The following TBC1D19 variants were observed in gnomAD, a reference collection of about 807,000 sequenced individuals.
The protein encoded by TBC1D19 is TBC1 domain family, member 19.
Under a neutral mutation model 89.0 loss-of-function variants are expected in TBC1D19, and 60 were observed. The observed-to-expected ratio is 0.67, with a 90% CI of 0.55 to 0.84. TBC1D19 has a LOEUF of 0.84. Among genes scored for constraint, TBC1D19 ranks in the 40% least tolerant of loss-of-function variants. The pLI, the probability that TBC1D19 is intolerant of heterozygous loss-of-function variation, is 0.00. For missense variants in TBC1D19, 500 were observed against 610.8 expected, an observed-to-expected ratio of 0.82 and a Z score of 1.91; for synonymous variants, 189 against 199.7, an observed-to-expected ratio of 0.95 and a Z score of 0.45.
chr4:26,737,660 A>G (rs1031644622), intron 16 of TBC1D19, among the ~76,000 whole-genome samples: 1 of 152,128 alleles, frequency 6.6e-6, no homozygotes, highest in Non-Finnish European at 1.5e-5. Context: ...ATTTTAGAAA[A>G]CTATTTTAAA....
intron 11 of TBC1D19, among the ~76,000 whole-genome samples, chr4:26,677,365 C>T (rs1337995988): frequency 2.7e-5 from 4 of 150,624 alleles, no homozygotes; most frequent in African/African-American, 9.8e-5. Context: ...GTCGTCTAGG[C>T]TGGAGTGCAG....
At chr4:26,799,850 T>C in the TBC1D19 span, among the ~76,000 whole-genome samples, 1 of 152,012 alleles carries the variant, frequency 6.6e-6, no homozygotes, top group African/African-American at 2.4e-5. Context: ...AATAAGATGC[T>C]AAGGCAATAG....
intron 13 of TBC1D19, among the ~76,000 whole-genome samples, chr4:26,692,639 A>G (rs1291838798): frequency 6.6e-6 from 1 of 152,092 alleles, no homozygotes; most frequent in Non-Finnish European, 1.5e-5. Context: ...GTTCCAACCT[A>G]ATGGGTCTCT....
chr4:26,804,307 G>A, the TBC1D19 span, among the ~76,000 whole-genome samples: 11 of 152,106 alleles, frequency 7.2e-5, no homozygotes, highest in East Asian at 1.7e-3. Context: ...CACCACATCC[G>A]GCTAATTTTT....
chr4:26,629,438 C>G lies in TBC1D19; in HGVS notation c.295-7773C>G, dbSNP rs555494401. 1.8e-4 allele frequency among the ~76,000 whole-genome samples: 27 copies of G among 152,152 alleles called. No individual in the cohort carries two copies. In the South Asian group the frequency reaches 4.8e-3, roughly 27 times the overall value. The stretch of plus-strand genomic sequence containing the variant: ...TGTCTGTGAAGTAGGACCTGAGTCT[C>G]TCTTTTCACCACTGTATCTCCAACA... On this transcript the variant is annotated intron_variant, in intron 4 of 20. Coordinates refer to ENST00000264866, the MANE Select transcript of TBC1D19 (RefSeq NM_018317.4).
At chr4:26,588,360 T>G (rs1739558598) in intron 1 of TBC1D19, among the ~76,000 whole-genome samples, 1 of 152,184 alleles carries the variant, frequency 6.6e-6, no homozygotes. Context: ...TGGCTAGAGA[T>G]TTATCAATTA....
At chr4:26,853,427 A>G in the TBC1D19 span, among the ~76,000 whole-genome samples, 1 of 152,206 alleles carries the variant, frequency 6.6e-6, no homozygotes, top group African/African-American at 2.4e-5. Flanking sequence ...TCCCAATTAG[A>G]ATATAAAATT....
the TBC1D19 span, among the ~76,000 whole-genome samples, chr4:26,802,413 C>T: frequency 6.6e-6 from 1 of 152,098 alleles, no homozygotes; most frequent in Non-Finnish European, 1.5e-5. Context: ...CCAGCCTGGG[C>T]AACATGGTGA....
At chr4:26,811,735 G>A in the TBC1D19 span, among the ~76,000 whole-genome samples, 1 of 152,220 alleles carries the variant, frequency 6.6e-6, no homozygotes, top group South Asian at 2.1e-4. Context: ...GGTTATTCAT[G>A]TGTCCCATTT....
chr4:26,754,472 G>A (rs573859822), intron 20 of TBC1D19, among the ~76,000 whole-genome samples: 81 of 152,272 alleles, frequency 5.3e-4, no homozygotes, highest in Middle Eastern at 6.8e-3. Flanking sequence ...GGAAGAGGAT[G>A]TTTATGCATC....
At chr4:26,640,060 G>T (rs1743394999) in intron 6 of TBC1D19, 81 bp from the exon 7 acceptor site, 1 of 977,254 alleles carries the variant, frequency 1.0e-6, no homozygotes, top group Non-Finnish European at 1.6e-6. Flanking sequence ...ATGATAACAT[G>T]TGAAAGAATG....
intron 11 of TBC1D19, among the ~76,000 whole-genome samples, chr4:26,676,066 T>C (rs1712775877): frequency 6.6e-6 from 1 of 152,190 alleles, no homozygotes; most frequent in Non-Finnish European, 1.5e-5. Flanking sequence ...AGACAGAAAA[T>C]GTTCTTCTAC....
the TBC1D19 span, among the ~76,000 whole-genome samples, chr4:26,796,818 T>A: frequency 6.6e-6 from 1 of 152,104 alleles, no homozygotes; most frequent in Non-Finnish European, 1.5e-5. Context: ...AAAGGCAAAT[T>A]TACAGACACA....
chr4:26,654,981 G>GT (rs976294409), intron 7 of TBC1D19, among the ~76,000 whole-genome samples: 3 of 152,144 alleles, frequency 2.0e-5, no homozygotes, highest in African/African-American at 7.2e-5. Context: ...TTTCTGCTCT[G>GT]TTTTTTCCCC....
chr4:26,685,136 T>C (rs1713697783), intron 12 of TBC1D19, among the ~76,000 whole-genome samples: 1 of 152,172 alleles, frequency 6.6e-6, no homozygotes, highest in Admixed American at 6.5e-5. Context: ...ATTAAAAATG[T>C]ATAAAAATAA....
In TBC1D19 at chr4:26,695,190, A is replaced by T. The variant is rs1235418963; in HGVS notation, c.954+6783A>T. ...ACCTGATGGAGCTGAAAACCATGGC[A>T]TGAGAACTACGTGACAAATGCACAA... On this transcript the variant is annotated intron_variant, in intron 13 of 20. Transcript: ENST00000264866. Among the ~76,000 whole-genome samples the T allele has an allele frequency of 2.6e-5, 4 of 152,366 alleles. No homozygotes were observed. The East Asian group carries it at 7.7e-4, about 29-fold the overall frequency.
chr4:26,835,146 T>C, the TBC1D19 span, among the ~76,000 whole-genome samples: 1 of 152,206 alleles, frequency 6.6e-6, no homozygotes, highest in Non-Finnish European at 1.5e-5. Context: ...TGTGAGTGAA[T>C]CCAATGTAAT....
At chr4:26,634,728 A>G (rs927776028) in intron 4 of TBC1D19, among the ~76,000 whole-genome samples, 5 of 152,286 alleles carry the variant, frequency 3.3e-5, no homozygotes, top group African/African-American at 1.2e-4. Flanking sequence ...ATAGACTACT[A>G]GTATCTACAT....
intron 7 of TBC1D19, among the ~76,000 whole-genome samples, chr4:26,647,196 A>C (rs1044974693): frequency 2.0e-5 from 3 of 152,172 alleles, no homozygotes; most frequent in Non-Finnish European, 4.4e-5. Context: ...ACCTTCAAGT[A>C]TCTAGGTTGT....
Sources: allele counts gnomAD v4.1 joint callset (sites outside exome capture counted in the v4.1 genomes callset), GRCh38; gene constraint gnomAD v4.1.1; transcripts MANE v1.5; gene names NCBI Gene and HGNC (gene_info 2026-07-23, HGNC 2026-07-21).